GRIK2: variants seen among roughly 807,000 people sequenced by gnomAD.
GRIK2 encodes glutamate ionotropic receptor kainate type subunit 2.
Under a neutral mutation model 100.3 loss-of-function variants are expected in GRIK2, and 32 were observed. That is an observed-to-expected ratio of 0.32 (90% CI 0.24 to 0.43). The LOEUF is 0.43. Ranked by LOEUF, GRIK2 falls within the 20% of genes least tolerant of loss-of-function variation. The pLI, the probability that GRIK2 is intolerant of heterozygous loss-of-function variation, is 1.00. For synonymous variants in GRIK2, 417 were observed against 389.4 expected, an observed-to-expected ratio of 1.07 and a Z score of -0.83; for missense variants, 843 against 1,114.9, an observed-to-expected ratio of 0.76 and a Z score of 3.47.
At chr6:101,546,277 G>A (rs1445733832) in intron 2 of GRIK2, among the ~76,000 whole-genome samples, 1 of 152,114 alleles carries the variant, frequency 6.6e-6, no homozygotes, top group Non-Finnish European at 1.5e-5. Flanking sequence ...CAGAAAAGGT[G>A]ATAAATATTT....
At chr6:101,964,038 A>G (rs929208735) in intron 14 of GRIK2, among the ~76,000 whole-genome samples, 2 of 147,712 alleles carry the variant, frequency 1.4e-5, no homozygotes, top group East Asian at 3.9e-4. Context: ...GATGCTTGCT[A>G]TTGTTACTGA....
At chr6:102,048,892 C>T (rs919087643) in intron 15 of GRIK2, among the ~76,000 whole-genome samples, 18 of 151,852 alleles carry the variant, frequency 1.2e-4, no homozygotes, top group South Asian at 2.1e-4. Flanking sequence ...AATGTCCTTT[C>T]GGAGGTGGCC....
chr6:101,735,910 G>A (rs1004836205), intron 7 of GRIK2, among the ~76,000 whole-genome samples: 2 of 152,198 alleles, frequency 1.3e-5, no homozygotes, highest in African/African-American at 4.8e-5. Context: ...CTATGAGCCT[G>A]TAACATCAAA....
intron 14 of GRIK2, among the ~76,000 whole-genome samples, chr6:101,949,019 A>G (rs1791450240): frequency 6.6e-6 from 1 of 152,150 alleles, no homozygotes; most frequent in African/African-American, 2.4e-5. Flanking sequence ...CCCACCACTT[A>G]AAATAATTGC....
chr6:101,621,350 G>C (rs543995982), intron 2 of GRIK2, among the ~76,000 whole-genome samples: 25 of 152,214 alleles, frequency 1.6e-4, no homozygotes, highest in Non-Finnish European at 3.2e-4. Context: ...CTACTGGGGA[G>C]GCTGAGGTGA....
intron 4 of GRIK2, among the ~76,000 whole-genome samples, chr6:101,655,540 G>A (rs907921154): frequency 7.2e-5 from 11 of 151,744 alleles, no homozygotes; most frequent in South Asian, 6.2e-4. Flanking sequence ...TTTCCTGTAC[G>A]AAGAAAAAAA....
intron 10 of GRIK2, among the ~76,000 whole-genome samples, chr6:101,831,858 G>A (rs1782721306): frequency 1.3e-5 from 2 of 152,010 alleles, no homozygotes; most frequent in South Asian, 4.1e-4. Context: ...TGAGATCACA[G>A]TTTTGCTATG....
At chr6:101,995,688 C>G (rs371558216) in intron 14 of GRIK2, among the ~76,000 whole-genome samples, 10 of 151,488 alleles carry the variant, frequency 6.6e-5, no homozygotes, top group African/African-American at 2.4e-4. Flanking sequence ...AATACATATG[C>G]GAGATGTGAT....
At chr6:102,004,248 T>TTATG (rs924447467) in intron 14 of GRIK2, among the ~76,000 whole-genome samples, 8 of 151,600 alleles carry the variant, frequency 5.3e-5, no homozygotes, top group African/African-American at 1.9e-4. Flanking sequence ...TTATAGTTCT[T>TTATG]TATGTCCCTT....
At chr6:101,710,600 GGTTT>G in intron 7 of GRIK2, among the ~76,000 whole-genome samples, 1 of 151,860 alleles carries the variant, frequency 6.6e-6, no homozygotes, top group South Asian at 2.1e-4. Flanking sequence ...AATAACTAAA[GGTTT>G]GTTTATTTGG....
intron 4 of GRIK2, among the ~76,000 whole-genome samples, chr6:101,661,912 G>T (rs560852055): frequency 6.6e-6 from 1 of 152,078 alleles, no homozygotes; most frequent in Non-Finnish European, 1.5e-5. Context: ...TTCCTATTCG[G>T]CCATCTTCCC....
At chr6:101,710,750 AT>A (rs1273870322) in intron 7 of GRIK2, among the ~76,000 whole-genome samples, 1 of 151,754 alleles carries the variant, frequency 6.6e-6, no homozygotes, top group Non-Finnish European at 1.5e-5. Context: ...AGACGTCCTC[AT>A]GCTCAGCACC....
chr6:101,609,287 T>G (rs2128312707), intron 2 of GRIK2, among the ~76,000 whole-genome samples: 1 of 151,864 alleles, frequency 6.6e-6, no homozygotes, highest in East Asian at 1.9e-4. Flanking sequence ...ACACCTGCTT[T>G]GGGTTCTTTC....
chr6:101,854,757 A>G (rs1784334241), intron 10 of GRIK2, among the ~76,000 whole-genome samples: 1 of 152,204 alleles, frequency 6.6e-6, no homozygotes, highest in South Asian at 2.1e-4. Flanking sequence ...TTATCCAATC[A>G]GTATTTACTG....
At chr6:101,396,377 G>A (rs2852507) in intron 1 of GRIK2, among the ~76,000 whole-genome samples, 26,940 of 151,898 alleles carry the variant, frequency 0.18, 2,553 homozygotes, top group African/African-American at 0.2. Context: ...AATGTCTTTA[G>A]CCACTGAATA....
chr6:101,512,462 T>C (rs912581660), intron 2 of GRIK2, among the ~76,000 whole-genome samples: 1 of 152,114 alleles, frequency 6.6e-6, no homozygotes, highest in Non-Finnish European at 1.5e-5. Flanking sequence ...GAAAATAAAT[T>C]GTTGGCTAAA....
chr6:101,494,234 T>C (rs1582573509), intron 2 of GRIK2, among the ~76,000 whole-genome samples: 1 of 151,354 alleles, frequency 6.6e-6, no homozygotes, highest in Admixed American at 6.6e-5. Context: ...CCTGTCACTG[T>C]CACCTTAAGT....
intron 2 of GRIK2, among the ~76,000 whole-genome samples, chr6:101,503,244 T>C (rs1166523546): frequency 6.6e-6 from 1 of 152,194 alleles, no homozygotes; most frequent in Non-Finnish European, 1.5e-5. Flanking sequence ...CTGATCTTGC[T>C]GATAACAGTT....
intron 14 of GRIK2, among the ~76,000 whole-genome samples, chr6:101,986,573 G>T (rs1341700620): frequency 2.6e-5 from 4 of 151,820 alleles, no homozygotes; most frequent in Admixed American, 6.6e-5. Flanking sequence ...AGGTTTGTTT[G>T]CTTTTTCTAT....
Sources: gnomAD v4.1 joint callset for allele counts (sites outside exome capture counted in the v4.1 genomes callset) on GRCh38, gnomAD v4.1.1 for gene constraint, MANE v1.5 for transcripts, NCBI Gene and HGNC (gene_info 2026-07-23, HGNC 2026-07-21) for gene names.